The following DPP6 variants were observed in gnomAD, a reference collection of about 807,000 sequenced individuals.
DPP6 encodes A-type potassium channel modulatory protein DPP6.
DPP6 carries 69 observed loss-of-function variants against 122.6 expected under a neutral mutation model. That is an observed-to-expected ratio of 0.56 (90% CI 0.46 to 0.69). The LOEUF is 0.69. DPP6 is among the 30% of genes least tolerant of loss of function. The pLI, the probability that DPP6 is intolerant of heterozygous loss-of-function variation, is 0.00. For synonymous variants in DPP6, 418 were observed against 433.1 expected (o/e 0.97, Z 0.43); for missense variants, 928 against 1,116.9 (o/e 0.83, Z 2.41).
chr7:154,123,856 G>A (rs1424789239), intron 1 of DPP6, among the ~76,000 whole-genome samples: 2 of 147,238 alleles, frequency 1.4e-5, no homozygotes, highest in Admixed American at 1.4e-4. Flanking sequence ...GCTTACCTGG[G>A]GACACTCACT....
chr7:154,061,678 C>G (rs1801926953), intron 1 of DPP6, among the ~76,000 whole-genome samples: 1 of 140,868 alleles, frequency 7.1e-6, no homozygotes, highest in Non-Finnish European at 1.6e-5. Context: ...CCCCCCCTGG[C>G]TCTTGGGACC....
At chr7:153,843,228 G>A in the DPP6 span, among the ~76,000 whole-genome samples, 192 of 151,262 alleles carry the variant, frequency 1.3e-3, no homozygotes, top group African/African-American at 4.1e-3. Context: ...ATGCATACAC[G>A]CACATACACA....
chr7:154,477,499 C>T (rs888046691), intron 3 of DPP6, among the ~76,000 whole-genome samples: 1 of 148,340 alleles, frequency 6.7e-6, no homozygotes, highest in African/African-American at 2.5e-5. Flanking sequence ...AAGCCCATGG[C>T]ATCAGACTTG....
the DPP6 span, among the ~76,000 whole-genome samples, chr7:153,861,498 A>G: frequency 2.4e-4 from 36 of 152,346 alleles, no homozygotes; most frequent in African/African-American, 8.2e-4. Context: ...AGTTATGATG[A>G]AGGGTAAATA....
chr7:154,283,834 C>T (rs976930102), intron 1 of DPP6, among the ~76,000 whole-genome samples: 1 of 152,158 alleles, frequency 6.6e-6, no homozygotes, highest in African/African-American at 2.4e-5. Flanking sequence ...CTCTGTGGGA[C>T]ATTTGCTCCT....
At chr7:154,757,422 T>A (rs985715972) in intron 8 of DPP6, among the ~76,000 whole-genome samples, 1 of 152,230 alleles carries the variant, frequency 6.6e-6, no homozygotes, top group African/African-American at 2.4e-5. Flanking sequence ...CCTCCCCCAC[T>A]GCAGCCCTCC....
chr7:154,351,631 C>G (rs868083505), intron 1 of DPP6, among the ~76,000 whole-genome samples: 1 of 152,298 alleles, frequency 6.6e-6, no homozygotes, highest in South Asian at 2.1e-4. Flanking sequence ...GCAGGAGAGC[C>G]TGGAATGTGC....
At position 154,099,964 on chromosome 7, in the gene DPP6, G is replaced by T. The variant is rs191230327; in HGVS notation, c.243+46901G>T. Among the ~76,000 whole-genome samples the T allele has an allele frequency of 8.9e-3, 1,184 of 133,532 alleles. 49 individuals are homozygous for T. The highest frequency in any genetic ancestry group is 0.019 in the South Asian group (70 of 3,600). The allele number at this position is 133,532 out of a possible 152,430, so 87.6% of individuals were successfully genotyped here. A position where few individuals can be genotyped will look rare whatever the true frequency, so the allele number is the denominator to read the frequency against. On this transcript the variant is annotated intron_variant, in intron 1 of 25. Transcript: ENST00000377770. ...AGATTGACCCACAGACCACATGTGGGATATTAGGGAGCATAACAGTCAGGT... is the reference window on the plus strand; with the variant it reads ...AGATTGACCCACAGACCACATGTGGTATATTAGGGAGCATAACAGTCAGGT...
intron 1 of DPP6, among the ~76,000 whole-genome samples, chr7:154,324,867 A>ATTTTTTTTTTTTTTTTTTTTTTTTTT (rs143944650): frequency 8.8e-6 from 1 of 113,090 alleles, no homozygotes; most frequent in Non-Finnish European, 1.7e-5. Flanking sequence ...TCCTTTTGTT[A>ATTTTTTTTTTTTTTTTTTTTTTTTTT]TTTTTTTTTT....
At chr7:153,912,613 T>C (rs1037437808) in intron 1 of DPP6, among the ~76,000 whole-genome samples, 1 of 152,158 alleles carries the variant, frequency 6.6e-6, no homozygotes, top group Non-Finnish European at 1.5e-5. Flanking sequence ...TTGAGAATAA[T>C]AGGGTGAACT....
At chr7:154,307,042 C>T (rs1451194498) in intron 1 of DPP6, among the ~76,000 whole-genome samples, 1 of 152,162 alleles carries the variant, frequency 6.6e-6, no homozygotes, top group Non-Finnish European at 1.5e-5. Flanking sequence ...CATCCCTGAC[C>T]ATGGGAGAGA....
In DPP6 at chr7:154,045,041, A is replaced by G. The variant is rs189189896; in HGVS notation, c.51+157307A>G. On this transcript the variant is annotated intron_variant, in intron 1 of 25. Coordinates refer to the DPP6 transcript ENST00000404039. ...ACAGTTGTGGTATGATAGTTTGACCATATCTTTGCCTTTGCTTTGACAATT... is the reference window on the plus strand; with the variant it reads ...ACAGTTGTGGTATGATAGTTTGACCGTATCTTTGCCTTTGCTTTGACAATT... Among the ~76,000 whole-genome samples, 449 of 152,260 alleles carry G rather than the reference A, an allele frequency of 2.9e-3. 2 individuals are homozygous for G. The highest frequency in any genetic ancestry group is 4.6e-3 in the Admixed American group (71 of 15,300).
rs993597734 is a variant in DPP6, at chr7:154,453,075, A to T, written c.358+6747A>T. ...GCGTATGCCTTTTGTTAGCAGCTACAGTTCCCGCATTCTGATGGAAACACC... is the reference window on the plus strand; with the variant it reads ...GCGTATGCCTTTTGTTAGCAGCTACTGTTCCCGCATTCTGATGGAAACACC... On this transcript the variant is annotated intron_variant, in intron 2 of 25. Coordinates refer to ENST00000377770, the MANE Select transcript of DPP6 (RefSeq NM_130797.4). 3.3e-4 allele frequency among the ~76,000 whole-genome samples: 51 copies of T among 152,344 alleles called. 1 individual carries two copies. Among genetic ancestry groups the T allele is most frequent in the African/African-American group, 1.2e-3 (49 of 41,586 alleles).
At chr7:153,782,673 A>G in the DPP6 span, among the ~76,000 whole-genome samples, 1 of 152,190 alleles carries the variant, frequency 6.6e-6, no homozygotes, top group Non-Finnish European at 1.5e-5. Context: ...GTAAGAAAAA[A>G]AGTGTTAATA....
intron 16 of DPP6, among the ~76,000 whole-genome samples, chr7:154,830,948 C>T (rs886937564): frequency 3.9e-5 from 6 of 152,178 alleles, no homozygotes; most frequent in South Asian, 2.1e-4. Context: ...GCCACAGAAC[C>T]GATTCTCGCA....
At chr7:154,368,276 G>A (rs572084279) in intron 1 of DPP6, among the ~76,000 whole-genome samples, 6 of 152,300 alleles carry the variant, frequency 3.9e-5, no homozygotes, top group Admixed American at 1.3e-4. Context: ...GCTCCCCACT[G>A]GACTTTTTAT....
intron 4 of DPP6, among the ~76,000 whole-genome samples, chr7:154,563,121 A>G (rs1830531911): frequency 6.6e-6 from 1 of 152,254 alleles, no homozygotes; most frequent in Non-Finnish European, 1.5e-5. Context: ...TAGCTATTGA[A>G]GGACATGGAA....
chr7:153,773,162 G>A, the DPP6 span, among the ~76,000 whole-genome samples: 1 of 148,004 alleles, frequency 6.8e-6, no homozygotes, highest in African/African-American at 2.5e-5. Flanking sequence ...CCTAATGACA[G>A]AACACACAAA....
chr7:154,291,755 C>G (rs970953050), intron 1 of DPP6, among the ~76,000 whole-genome samples: 1 of 152,198 alleles, frequency 6.6e-6, no homozygotes, highest in South Asian at 2.1e-4. Context: ...TCCAATTGAC[C>G]ATGTTTTACC....
Sources: allele counts gnomAD v4.1 joint callset (sites outside exome capture counted in the v4.1 genomes callset), GRCh38; gene constraint gnomAD v4.1.1; transcripts MANE v1.5; gene names NCBI Gene and HGNC (gene_info 2026-07-23, HGNC 2026-07-21).